The following MYO1D variants were observed in gnomAD, a reference collection of about 807,000 sequenced individuals.
The protein encoded by MYO1D is unconventional myosin-Id.
MYO1D carries 83 observed loss-of-function variants against 122.0 expected under a neutral mutation model. The observed-to-expected ratio is 0.68, with a 90% CI of 0.57 to 0.82. The LOEUF (loss-of-function observed/expected upper bound fraction) is 0.82, where lower values mean the gene tolerates loss of function less well. Among genes scored for constraint, MYO1D ranks in the 40% least tolerant of loss-of-function variants. The probability of loss-of-function intolerance (pLI) is 0.00; values close to 1 mark genes in which losing one functional copy is unlikely to be tolerated. For missense variants in MYO1D, 1,157 were observed against 1,269.5 expected (o/e 0.91, Z 1.35); for synonymous variants, 464 against 446.9 (o/e 1.04, Z -0.48).
chr17:32,694,707 C>CCAAAA, intron 16 of MYO1D, among the ~76,000 whole-genome samples: 1 of 55,914 alleles, frequency 1.8e-5, no homozygotes, highest in South Asian at 1.2e-3. Flanking sequence ...GACTCCGTCT[C>CCAAAA]AAAAAAAAAA....
At chr17:32,739,718 A>G (rs2089752048) in intron 13 of MYO1D, among the ~76,000 whole-genome samples, 1 of 152,206 alleles carries the variant, frequency 6.6e-6, no homozygotes, top group Non-Finnish European at 1.5e-5. Context: ...TACTGCTAAC[A>G]TTTTACCCAC....
intron 2 of MYO1D, among the ~76,000 whole-genome samples, chr17:32,780,095 C>A (rs1012423487): frequency 6.6e-6 from 1 of 152,078 alleles, no homozygotes. Flanking sequence ...CTATCTCCCC[C>A]CTTGTTGGGC....
At chr17:32,639,517 C>T (rs1004267079) in intron 19 of MYO1D, among the ~76,000 whole-genome samples, 2 of 151,780 alleles carry the variant, frequency 1.3e-5, no homozygotes, top group African/African-American at 4.8e-5. Context: ...TAGTTAGCTA[C>T]TTAGACTTGG....
chr17:32,872,226 G>A (rs2091185596), intron 1 of MYO1D, among the ~76,000 whole-genome samples: 1 of 152,164 alleles, frequency 6.6e-6, no homozygotes, highest in Non-Finnish European at 1.5e-5. Flanking sequence ...ATAAATTGAA[G>A]CTCCTTCTCA....
intron 1 of MYO1D, among the ~76,000 whole-genome samples, chr17:32,809,772 CAG>C (rs1372108615): frequency 2.6e-5 from 4 of 152,172 alleles, no homozygotes; most frequent in African/African-American, 7.2e-5. Flanking sequence ...GGCACTCATG[CAG>C]AGTTTCTGTG....
At chr17:32,786,761 A>G (rs1219629290) in intron 1 of MYO1D, among the ~76,000 whole-genome samples, 1 of 152,232 alleles carries the variant, frequency 6.6e-6, no homozygotes, top group Non-Finnish European at 1.5e-5. Context: ...CAGAGGTTGC[A>G]GTGAGCTGAG....
chr17:32,609,505 G>T (rs945394422), intron 20 of MYO1D, among the ~76,000 whole-genome samples: 1 of 152,172 alleles, frequency 6.6e-6, no homozygotes, highest in Non-Finnish European at 1.5e-5. Context: ...TTACAGATTT[G>T]CAGTGTCACT....
rs1252274859 is a variant in MYO1D, at chr17:32,550,959, G to T, written c.2864+54128C>A. ...CATTGCCTTCCAGCCCTAGGCAACA[G>T]AGTGTCAAAAAAAAGAGAAAGAAAT... is the stretch of plus-strand genomic sequence containing the variant. On this transcript the variant is annotated intron_variant, in intron 21 of 21. Coordinates refer to ENST00000318217, the MANE Select transcript of MYO1D (RefSeq NM_015194.3). 4.0e-5 allele frequency among the ~76,000 whole-genome samples: 4 copies of T among 100,726 alleles called. No individual in the cohort carries two copies. In the South Asian group the frequency reaches 1.5e-3, roughly 37 times the overall value. The allele number at this position is 100,726 out of a possible 152,430, so 66.1% of individuals were successfully genotyped here.
At position 32,780,618 on chromosome 17, in the gene MYO1D, C is replaced by G; in HGVS notation, c.262G>C (p.Ala88Pro). The G allele has an allele frequency of 3.1e-6, 5 of 1,614,128 alleles. No homozygotes were observed. Among genetic ancestry groups the G allele is most frequent in the Non-Finnish European group, 4.2e-6 (5 of 1,180,022 alleles). The change falls in exon 2 of 22, where the codon GCT becomes CCT. Residue 88 changes from alanine (A) to proline (P), a missense_variant. Transcript: ENST00000318217. The part of the protein sequence containing the change: ...LFAIADAAYK[A>P]MKRRSKDTCI... ...GTGTCTTTTGATCGCCTCTTCATAG[C>G]CTTGTAAGCAGCATCCGCAATAGCA...
Position 32,653,849 on chromosome 17 carries a change from G to T in MYO1D, c.2589C>A (p.Val863=). Reference sequence around the variant, plus strand: ...TGGTTTAAGCTTGCCTTACCTTACGGACGTGACAGGAAAAGAGGACATTCA... The same window carrying T: ...TGGTTTAAGCTTGCCTTACCTTACGTACGTGACAGGAAAAGAGGACATTCA... ...KYMNVLFSCH[V]RKVNRFSKVE... The change falls in exon 19 of 22, where the codon GTC becomes GTA. Residue 863 remains valine (V), a synonymous_variant. Coordinates refer to ENST00000318217, the MANE Select transcript of MYO1D (RefSeq NM_015194.3). 6.2e-7 allele frequency: 1 copy of T among 1,613,016 alleles called. No homozygotes were observed. The highest frequency in any genetic ancestry group is 8.5e-7 in the Non-Finnish European group (1 of 1,179,184).
At chr17:32,619,841 C>G (rs1264026223) in intron 20 of MYO1D, among the ~76,000 whole-genome samples, 63 of 152,064 alleles carry the variant, frequency 4.1e-4, no homozygotes, top group Admixed American at 4.1e-3. Context: ...AAAGATTATT[C>G]ACTCATCATT....
At chr17:32,861,456 A>G (rs2091076391) in intron 1 of MYO1D, among the ~76,000 whole-genome samples, 1 of 152,226 alleles carries the variant, frequency 6.6e-6, no homozygotes, top group Non-Finnish European at 1.5e-5. Flanking sequence ...ACATTCAGCC[A>G]TCTCCCAGAC....
chr17:32,736,918 G>A (rs916829975), intron 14 of MYO1D, among the ~76,000 whole-genome samples: 1 of 152,170 alleles, frequency 6.6e-6, no homozygotes, highest in African/African-American at 2.4e-5. Flanking sequence ...AGCCTCCAGT[G>A]CCAGTGTCCT....
At chr17:32,517,351 A>G (rs528495329) in intron 21 of MYO1D, among the ~76,000 whole-genome samples, 1 of 152,376 alleles carries the variant, frequency 6.6e-6, no homozygotes, top group South Asian at 2.1e-4. Context: ...GGGCTGAAGC[A>G]AACAGCCTCT....
intron 16 of MYO1D, among the ~76,000 whole-genome samples, chr17:32,670,739 C>A (rs537130271): frequency 1.3e-5 from 2 of 152,226 alleles, no homozygotes. Context: ...TACTCACAAA[C>A]CAATTAGCAT....
intron 1 of MYO1D, among the ~76,000 whole-genome samples, chr17:32,787,245 C>G (rs2090306439): frequency 6.6e-6 from 1 of 152,016 alleles, no homozygotes; most frequent in East Asian, 1.9e-4. Context: ...GAAAAGTAAG[C>G]AAAATAATTT....
chr17:32,822,859 C>T lies in MYO1D; in HGVS notation c.96-42075G>A, dbSNP rs1012165358. On this transcript the variant is annotated intron_variant, in intron 1 of 21. Coordinates refer to ENST00000318217, the MANE Select transcript of MYO1D (RefSeq NM_015194.3). ...GCCGCCCGCGGGCGTGAGACTCAGC[C>T]GGCGTCTCGCATACCTAATGTAAAT... is the stretch of plus-strand genomic sequence containing the variant. Among the ~76,000 whole-genome samples the T allele has an allele frequency of 1.1e-4, 17 of 151,810 alleles. No homozygotes were observed. In the East Asian group the frequency reaches 3.3e-3, roughly 30 times the overall value.
At chr17:32,575,495 GATTATA>G (rs765361724) in intron 21 of MYO1D, among the ~76,000 whole-genome samples, 1 of 152,188 alleles carries the variant, frequency 6.6e-6, no homozygotes, top group Non-Finnish European at 1.5e-5. Flanking sequence ...CATGTGGTGT[GATTATA>G]TAGTACAAGG....
intron 1 of MYO1D, among the ~76,000 whole-genome samples, chr17:32,872,342 G>A (rs528071088): frequency 3.2e-4 from 48 of 151,970 alleles, no homozygotes; most frequent in African/African-American, 1.1e-3. Flanking sequence ...GCGCAATCTC[G>A]GCTCACTGCC....
Sources: gnomAD v4.1 joint callset for allele counts (sites outside exome capture counted in the v4.1 genomes callset) on GRCh38, gnomAD v4.1.1 for gene constraint, MANE v1.5 for transcripts, NCBI Gene and HGNC (gene_info 2026-07-23, HGNC 2026-07-21) for gene names.